The following ROBO2 variants were observed in gnomAD, a reference collection of about 807,000 sequenced individuals.
ROBO2 encodes the protein roundabout guidance receptor 2.
Under a neutral mutation model 160.8 loss-of-function variants are expected in ROBO2, and 53 were observed. The observed-to-expected ratio is 0.33, with a 90% CI of 0.26 to 0.41. ROBO2 has a LOEUF of 0.41. Ranked by LOEUF, ROBO2 falls within the 10% of genes least tolerant of loss-of-function variation. ROBO2 has a pLI of 1.00. For missense variants in ROBO2, 1,577 were observed against 1,722.4 expected (o/e 0.92, Z 1.49); for synonymous variants, 664 against 611.7 (o/e 1.09, Z -1.26).
chr3:77,410,783 C>G (rs188327159), intron 2 of ROBO2, among the ~76,000 whole-genome samples: 1 of 148,048 alleles, frequency 6.8e-6, no homozygotes, highest in Non-Finnish European at 1.5e-5. Context: ...CCTCTTCCTC[C>G]TCCTCCTCCC....
In ROBO2 at chr3:76,534,350, C is replaced by A. The variant is rs115066286; in HGVS notation, c.110-563664C>A. ...GGCATGTTAGCTTTAATGTAGGTGG[C>A]GATGAGTTTTTAGGCCAGGGAAGGA... On this transcript the variant is annotated intron_variant, in intron 2 of 26. Coordinates refer to the ROBO2 transcript ENST00000487694. Among the ~76,000 whole-genome samples the A allele has an allele frequency of 5.3e-3, 806 of 152,116 alleles. 6 individuals are homozygous for A. Among genetic ancestry groups the A allele is most frequent in the Non-Finnish European group, 8.1e-3 (550 of 67,992 alleles).
At chr3:76,073,084 G>A (rs1197407090) in intron 2 of ROBO2, among the ~76,000 whole-genome samples, 1 of 151,922 alleles carries the variant, frequency 6.6e-6, no homozygotes, top group South Asian at 2.1e-4. Context: ...TGGAATGAAG[G>A]TGAGTAGTCT....
intron 2 of ROBO2, among the ~76,000 whole-genome samples, chr3:76,204,985 A>C (rs1208861530): frequency 1.3e-5 from 2 of 152,190 alleles, no homozygotes; most frequent in African/African-American, 2.4e-5. Context: ...ATGAAAAAGA[A>C]ATTTTAAAAA....
chr3:77,567,914 A>C (rs1042219468), intron 12 of ROBO2, among the ~76,000 whole-genome samples: 25 of 152,056 alleles, frequency 1.6e-4, no homozygotes, highest in Non-Finnish European at 7.4e-5. Flanking sequence ...CCCAATTTAC[A>C]CATCCAGAAA....
At chr3:76,114,045 C>G (rs2070357460) in intron 2 of ROBO2, among the ~76,000 whole-genome samples, 1 of 152,170 alleles carries the variant, frequency 6.6e-6, no homozygotes, top group Non-Finnish European at 1.5e-5. Context: ...GCTGGTACAA[C>G]CTGAAGAACC....
chr3:77,522,844 G>A, exon 6 of ROBO2: 1 of 1,609,786 alleles, frequency 6.2e-7, no homozygotes, highest in African/African-American at 1.3e-5. Flanking sequence ...GCACCTATAT[G>A]TGTATTGCTG....
chr3:77,547,721 G>A (rs553360144), intron 7 of ROBO2, among the ~76,000 whole-genome samples: 1 of 152,088 alleles, frequency 6.6e-6, no homozygotes, highest in Admixed American at 6.6e-5. Context: ...CTTGTGATTT[G>A]TGGAATGTAA....
At chr3:77,388,013 G>GA (rs910328381) in intron 2 of ROBO2, among the ~76,000 whole-genome samples, 26 of 149,898 alleles carry the variant, frequency 1.7e-4, no homozygotes, top group East Asian at 1.2e-3. Context: ...CAAGAAAAAA[G>GA]AAAAAAAAAT....
chr3:76,819,983 C>G (rs2065978428), intron 2 of ROBO2, among the ~76,000 whole-genome samples: 1 of 152,040 alleles, frequency 6.6e-6, no homozygotes, highest in African/African-American at 2.4e-5. Flanking sequence ...TCTGTGTGTT[C>G]TAATCAAAGA....
intron 2 of ROBO2, among the ~76,000 whole-genome samples, chr3:77,275,792 A>G (rs539794908): frequency 6.6e-6 from 1 of 152,298 alleles, no homozygotes; most frequent in East Asian, 1.9e-4. Flanking sequence ...TTGGTGTACA[A>G]TATGATACCA....
intron 23 of ROBO2, chr3:77,630,121 A>T (rs940316026): frequency 7.9e-5 from 12 of 152,182 alleles, no homozygotes; most frequent in Non-Finnish European, 1.0e-4. Flanking sequence ...TAATAGTGTT[A>T]GTGGCAATAT....
intron 2 of ROBO2, among the ~76,000 whole-genome samples, chr3:76,506,161 A>G (rs922070546): frequency 6.6e-6 from 1 of 152,192 alleles, no homozygotes; most frequent in Non-Finnish European, 1.5e-5. Flanking sequence ...GGGAAACTCC[A>G]TATTCTTCAG....
chr3:76,907,254 G>A (rs564730863), intron 2 of ROBO2, among the ~76,000 whole-genome samples: 1 of 152,260 alleles, frequency 6.6e-6, no homozygotes, highest in Admixed American at 6.5e-5. Context: ...TGGGTTCCTT[G>A]TTATGTGAAA....
At chr3:77,423,041 G>C (rs779994633) in intron 2 of ROBO2, among the ~76,000 whole-genome samples, 4 of 152,102 alleles carry the variant, frequency 2.6e-5, no homozygotes, top group Non-Finnish European at 4.4e-5. Flanking sequence ...GATTAATAAA[G>C]CAGATTTCCT....
chr3:76,443,291 C>T (rs944712706), intron 2 of ROBO2, among the ~76,000 whole-genome samples: 1 of 152,096 alleles, frequency 6.6e-6, no homozygotes, highest in Non-Finnish European at 1.5e-5. Flanking sequence ...TTGGAGATCA[C>T]ATTTCAACAT....
chr3:76,680,869 C>T (rs1000438371), intron 2 of ROBO2, among the ~76,000 whole-genome samples: 3 of 152,086 alleles, frequency 2.0e-5, no homozygotes, highest in Non-Finnish European at 4.4e-5. Flanking sequence ...TCTGCTTCCC[C>T]GGGTTCAAGT....
chr3:76,659,943 T>C (rs552650580), intron 2 of ROBO2, among the ~76,000 whole-genome samples: 3 of 152,256 alleles, frequency 2.0e-5, no homozygotes, highest in South Asian at 4.2e-4. Flanking sequence ...AAAGACCCTT[T>C]AGAAAACTGA....
intron 2 of ROBO2, among the ~76,000 whole-genome samples, chr3:76,957,586 G>A (rs1344451521): frequency 1.3e-5 from 2 of 151,934 alleles, no homozygotes; most frequent in Non-Finnish European, 2.9e-5. Context: ...TAGTCCCAGC[G>A]CTTTGGGAGG....
At chr3:77,156,401 A>G (rs1194185596) in intron 2 of ROBO2, among the ~76,000 whole-genome samples, 3 of 152,030 alleles carry the variant, frequency 2.0e-5, no homozygotes, top group Non-Finnish European at 4.4e-5. Context: ...ATTGAATCCC[A>G]AGTATCAGCT....
Sources: allele counts gnomAD v4.1 joint callset (sites outside exome capture counted in the v4.1 genomes callset), GRCh38; gene constraint gnomAD v4.1.1; transcripts MANE v1.5; gene names NCBI Gene and HGNC (gene_info 2026-07-23, HGNC 2026-07-21).